Variants in SGCD observed in about 807,000 individuals in gnomAD.
SGCD encodes the protein delta-sarcoglycan.
SGCD carries 18 observed loss-of-function variants against 36.6 expected under a neutral mutation model. That is an observed-to-expected ratio of 0.49 (90% CI 0.34 to 0.73). The LOEUF (loss-of-function observed/expected upper bound fraction) is 0.73. SGCD is among the 30% of genes least tolerant of loss of function. The pLI is 0.01. For synonymous variants in SGCD, 133 were observed against 130.6 expected (o/e 1.02, Z -0.12); for missense variants, 387 against 346.7 (o/e 1.12, Z -0.92).
intron 3 of SGCD, among the ~76,000 whole-genome samples, chr5:156,444,099 T>TTCC (rs1753636759): frequency 2.6e-5 from 3 of 115,702 alleles, no homozygotes; most frequent in African/African-American, 1.2e-4. Context: ...TCTCTCTCTC[T>TTCC]CTCTCTCTCT....
chr5:156,642,052 G>C (rs1474272041), intron 6 of SGCD, among the ~76,000 whole-genome samples: 1 of 152,126 alleles, frequency 6.6e-6, no homozygotes, highest in Non-Finnish European at 1.5e-5. Flanking sequence ...GGTCAGGTTT[G>C]GTGGGGTCCT....
intron 1 of SGCD, among the ~76,000 whole-genome samples, chr5:156,095,029 C>G (rs1342506912): frequency 6.6e-6 from 1 of 152,000 alleles, no homozygotes; most frequent in Non-Finnish European, 1.5e-5. Context: ...TTTGCTTATT[C>G]TGACTTGGTT....
intron 3 of SGCD, among the ~76,000 whole-genome samples, chr5:156,148,847 T>G (rs1362080492): frequency 6.6e-6 from 1 of 152,130 alleles, no homozygotes; most frequent in East Asian, 1.9e-4. Context: ...GTCTGGAAAG[T>G]TTTCTCTAGA....
intron 3 of SGCD, among the ~76,000 whole-genome samples, chr5:156,374,811 G>A (rs1006753311): frequency 6.6e-6 from 1 of 152,048 alleles, no homozygotes; most frequent in Non-Finnish European, 1.5e-5. Flanking sequence ...CATGCTGACA[G>A]CATACCAACA....
chr5:156,558,532 G>T (rs765219498), intron 4 of SGCD, among the ~76,000 whole-genome samples: 1 of 151,976 alleles, frequency 6.6e-6, no homozygotes, highest in Non-Finnish European at 1.5e-5. Context: ...ATTCTGTTCT[G>T]TGTCAGACAC....
chr5:156,733,836 A>C (rs1023261939), intron 7 of SGCD, among the ~76,000 whole-genome samples: 3 of 152,130 alleles, frequency 2.0e-5, no homozygotes, highest in African/African-American at 7.2e-5. Context: ...CCATTTCCTT[A>C]GTAGACTTTC....
chr5:156,005,432 T>C (rs1210880872), intron 1 of SGCD, among the ~76,000 whole-genome samples: 3 of 59,210 alleles, frequency 5.1e-5, no homozygotes. Flanking sequence ...TCAGTTTTTG[T>C]TGTTGTTGTT....
the SGCD span, among the ~76,000 whole-genome samples, chr5:155,763,122 G>A: frequency 1.3e-5 from 2 of 152,080 alleles, no homozygotes; most frequent in African/African-American, 2.4e-5. Flanking sequence ...GAACTCTCTT[G>A]TTATTGGGAT....
chr5:155,806,098 T>C, the SGCD span, among the ~76,000 whole-genome samples: 11,850 of 152,224 alleles, frequency 0.078, 929 homozygotes, highest in African/African-American at 0.21. Flanking sequence ...ATGATAGACT[T>C]TGAAGATTTC....
chr5:156,071,790 A>G (rs1760572196), intron 1 of SGCD, among the ~76,000 whole-genome samples: 2 of 152,136 alleles, frequency 1.3e-5, no homozygotes, highest in Admixed American at 1.3e-4. Flanking sequence ...GTCACTCAGG[A>G]CTTGCTTCAT....
intron 3 of SGCD, among the ~76,000 whole-genome samples, chr5:156,409,783 A>T (rs1273506978): frequency 6.6e-6 from 1 of 152,220 alleles, no homozygotes; most frequent in Non-Finnish European, 1.5e-5. Context: ...CAGCTGACAC[A>T]TGGTAGCTAT....
At chr5:155,842,636 T>C in the SGCD span, among the ~76,000 whole-genome samples, 28 of 152,036 alleles carry the variant, frequency 1.8e-4, no homozygotes, top group Non-Finnish European at 3.2e-4. Flanking sequence ...AAGATGCTTG[T>C]TGGTGTCTAG....
At chr5:156,623,452 A>G (rs928745157) in intron 6 of SGCD, among the ~76,000 whole-genome samples, 2 of 152,236 alleles carry the variant, frequency 1.3e-5, no homozygotes, top group African/African-American at 4.8e-5. Flanking sequence ...CCTGCTCTAT[A>G]AGACTGTAGC....
intron 1 of SGCD, 39 bp downstream of exon 1, chr5:156,327,271 T>C (rs1022381708): frequency 2.0e-5 from 3 of 152,326 alleles, no homozygotes; most frequent in African/African-American, 7.2e-5. Flanking sequence ...CACGCGTCTG[T>C]TCACTTTCTA....
In SGCD at chr5:156,760,070, C is replaced by T. The variant is rs1186383293; in HGVS notation, c.*680C>T. ...TTTCAGCAAATTTTGAACTGCTCAC[C>T]CAACTTCTGCTATCTTGCTCCCTCC... On this transcript the variant is annotated 3_prime_UTR_variant, in exon 9 of 9. Transcript: ENST00000337851. The T allele has an allele frequency of 1.3e-5, 2 of 152,104 alleles. No homozygotes were observed. Among genetic ancestry groups the T allele is most frequent in the East Asian group, 1.9e-4 (1 of 5,190 alleles). 9.4% of individuals were successfully genotyped at this position (152,104 alleles called of 1,614,324 possible).
intron 1 of SGCD, among the ~76,000 whole-genome samples, chr5:156,105,217 G>A (rs1213163230): frequency 6.6e-6 from 1 of 152,138 alleles, no homozygotes; most frequent in Non-Finnish European, 1.5e-5. Flanking sequence ...AAACAAAGAA[G>A]GAAGAAAGAA....
intron 7 of SGCD, among the ~76,000 whole-genome samples, chr5:156,711,575 C>T (rs548802099): frequency 6.6e-6 from 1 of 152,326 alleles, no homozygotes; most frequent in Admixed American, 6.5e-5. Flanking sequence ...TCACTTCTTG[C>T]CGTGACTTCA....
intron 6 of SGCD, among the ~76,000 whole-genome samples, chr5:156,624,500 G>A (rs111415262): frequency 3.3e-5 from 5 of 152,048 alleles, no homozygotes; most frequent in African/African-American, 4.8e-5. Context: ...AGAATGGTGC[G>A]AACCCAGGAG....
At chr5:155,958,660 G>A (rs574775715) in intron 1 of SGCD, among the ~76,000 whole-genome samples, 10 of 152,144 alleles carry the variant, frequency 6.6e-5, no homozygotes, top group Non-Finnish European at 1.5e-4. Context: ...CTTGGGGTCA[G>A]AACAGTATTT....
Sources: gnomAD v4.1 joint callset for allele counts (sites outside exome capture counted in the v4.1 genomes callset) on GRCh38, gnomAD v4.1.1 for gene constraint, MANE v1.5 for transcripts, NCBI Gene and HGNC (gene_info 2026-07-23, HGNC 2026-07-21) for gene names.